Variants in ATP6V1E1 observed in about 807,000 individuals in gnomAD.
The protein encoded by ATP6V1E1 is V-type proton ATPase subunit E 1.
A neutral mutation model predicts 35.2 loss-of-function variants in ATP6V1E1; 21 were observed. The ratio of observed to expected loss-of-function variants is 0.60; its 90% CI spans 0.42 to 0.86. ATP6V1E1 has a LOEUF of 0.86. Among genes scored for constraint, ATP6V1E1 ranks in the 40% least tolerant of loss-of-function variants. The pLI is 0.00. For synonymous variants in ATP6V1E1, 83 were observed against 87.8 expected (o/e 0.95, Z 0.30); for missense variants, 183 against 272.6 (o/e 0.67, Z 2.32).
intron 1 of ATP6V1E1, 116 bp from the exon 2 acceptor site, chr22:17,619,642 C>A: frequency 2.4e-6 from 2 of 848,818 alleles, no homozygotes; most frequent in Non-Finnish European, 3.6e-6. Context: ...TCCTACCACT[C>A]TGGGGGGCCA....
At chr22:17,597,299 C>G (rs761853653) in intron 7 of ATP6V1E1, among the ~76,000 whole-genome samples, 5 of 151,148 alleles carry the variant, frequency 3.3e-5, no homozygotes, top group Admixed American at 6.6e-5. Context: ...AGTAGTGTGG[C>G]TAGGTGGCCT....
intron 6 of ATP6V1E1, among the ~76,000 whole-genome samples, chr22:17,598,668 A>G (rs908609830): frequency 9.2e-5 from 14 of 152,198 alleles, no homozygotes; most frequent in African/African-American, 2.9e-4. Flanking sequence ...ATGAGCTTCA[A>G]CTGGCAGTTG....
At chr22:17,608,991 GC>G (rs1291809972) in intron 4 of ATP6V1E1, among the ~76,000 whole-genome samples, 4 of 151,964 alleles carry the variant, frequency 2.6e-5, no homozygotes, top group African/African-American at 9.7e-5. Flanking sequence ...GGAGGCTGAG[GC>G]AGGAGACTGG....
At chr22:17,593,982 C>T (rs1032705695) in intron 8 of ATP6V1E1, among the ~76,000 whole-genome samples, 1 of 152,218 alleles carries the variant, frequency 6.6e-6, no homozygotes, top group African/African-American at 2.4e-5. Flanking sequence ...GCGGGTGGAT[C>T]ACCTGAGGTC....
At chr22:17,605,971 T>C (rs968499913) in intron 4 of ATP6V1E1, among the ~76,000 whole-genome samples, 32 of 137,926 alleles carry the variant, frequency 2.3e-4, no homozygotes, top group Non-Finnish European at 3.5e-4. Context: ...TCTCCTACTT[T>C]TTATAAGAAA....
intron 1 of ATP6V1E1, among the ~76,000 whole-genome samples, chr22:17,620,338 G>C (rs934852106): frequency 8.6e-5 from 13 of 151,852 alleles, no homozygotes; most frequent in Admixed American, 4.6e-4. Context: ...TAGTAGAGAC[G>C]GGGTTTCACC....
At chr22:17,604,782 G>A (rs1328810229) in intron 4 of ATP6V1E1, among the ~76,000 whole-genome samples, 2 of 151,924 alleles carry the variant, frequency 1.3e-5, no homozygotes, top group African/African-American at 4.8e-5. Context: ...CTCCCAAAGT[G>A]TTGGGATTAC....
intron 1 of ATP6V1E1, among the ~76,000 whole-genome samples, chr22:17,620,329 A>G (rs1000443614): frequency 6.6e-6 from 1 of 151,698 alleles, no homozygotes; most frequent in African/African-American, 2.4e-5. Context: ...TTGTATTTTT[A>G]GTAGAGACGG....
In ATP6V1E1 at chr22:17,599,208, C is replaced by A. The variant is rs1420795132; in HGVS notation, c.435+819G>T. Among the ~76,000 whole-genome samples, 3 of 151,786 alleles carry A rather than the reference C, an allele frequency of 2.0e-5. No homozygotes were observed. The East Asian group carries it at 5.8e-4, about 29-fold the overall frequency. The stretch of plus-strand genomic sequence containing the variant: ...TTCTGAAGATGGATGGTGGTGATGG[C>A]TGCACAATATTGTAAATGTACTTAA... On this transcript the variant is annotated intron_variant, in intron 6 of 8. Transcript: ENST00000253413.
chr22:17,601,184 A>G lies in ATP6V1E1; in HGVS notation c.277-3T>C, dbSNP rs1426918857. On this transcript the variant is annotated splice_region_variant and splice_polypyrimidine_tract_variant and intron_variant, in intron 4 of 8. Coordinates refer to ENST00000253413, the MANE Select transcript of ATP6V1E1 (RefSeq NM_001696.4). ...TGTTTTGCTTCATTTAGTAGGTCCT[A>G]CAAAGATTAGAAAAGATAAAAGTTA... 6.2e-7 allele frequency: 1 copy of G among 1,612,048 alleles called. No individual in the cohort carries two copies. The highest frequency in any genetic ancestry group is 8.5e-7 in the Non-Finnish European group (1 of 1,178,678).
At chr22:17,626,590 G>A (rs2057907110) in intron 1 of ATP6V1E1, among the ~76,000 whole-genome samples, 2 of 149,834 alleles carry the variant, frequency 1.3e-5, no homozygotes, top group South Asian at 4.2e-4. Context: ...AGGCAGCAAT[G>A]GTGTGATCTC....
chr22:17,614,223 G>A (rs1402970047), intron 2 of ATP6V1E1, among the ~76,000 whole-genome samples: 1 of 151,984 alleles, frequency 6.6e-6, no homozygotes, highest in Non-Finnish European at 1.5e-5. Flanking sequence ...GGCGGCGCAT[G>A]CCTGTAATCC....
chr22:17,621,052 ACT>A (rs1186835847), intron 1 of ATP6V1E1, among the ~76,000 whole-genome samples: 3 of 151,018 alleles, frequency 2.0e-5, no homozygotes, highest in Non-Finnish European at 4.4e-5. Context: ...ACAGAGCGAG[ACT>A]CTGTCTCAAA....
At chr22:17,592,799 T>TA in intron 8 of ATP6V1E1, 63 bp from the exon 9 acceptor site, 165 of 796,938 alleles carry the variant, frequency 2.1e-4, no homozygotes, top group Non-Finnish European at 3.0e-4. Flanking sequence ...GCGCTGCACA[T>TA]CTTTTTTTTT....
chr22:17,599,964 A>C, intron 6 of ATP6V1E1, 63 bp downstream of exon 6: 2 of 1,065,678 alleles, frequency 1.9e-6, no homozygotes, highest in South Asian at 1.3e-5. Context: ...AAAGAAAGAG[A>C]GAGGGGAAGG....
Position 17,592,558 on chromosome 22 carries a change from C to T in ATP6V1E1, c.*116G>A. On this transcript the variant is annotated 3_prime_UTR_variant, in exon 9 of 9. Transcript: ENST00000253413. ...GACAGAGGGGCATCGCTGATAAATA[C>T]AGAGCAATACTGGGGCAGTGAAGAG... is the stretch of plus-strand genomic sequence containing the variant. 3 of 1,076,892 alleles carry T rather than the reference C, an allele frequency of 2.8e-6. No homozygotes were observed. The highest frequency in any genetic ancestry group is 2.8e-6 in the Non-Finnish European group (2 of 705,584). The allele number at this position is 1,076,892 out of a possible 1,614,324, so 66.7% of individuals were successfully genotyped here. A position where few individuals can be genotyped will look rare whatever the true frequency, so the allele number is the denominator to read the frequency against.
rs150344720 is a variant in ATP6V1E1, at chr22:17,592,800, C to CTT, written c.619-66_619-65dup. The CTT allele has an allele frequency of 6.0e-3, 4,285 of 716,022 alleles. 43 individuals carry two copies. The highest frequency in any genetic ancestry group is 0.036 in the African/African-American group (1,706 of 47,060). The allele number at this position is 716,022 out of a possible 1,614,324, so 44.4% of individuals were successfully genotyped here. Reference sequence around the variant, plus strand: ...GAAGAAGTTGTAGAGCGCTGCACATCTTTTTTTTTTTTTTTTTTTTGAGAC... The same window carrying CTT: ...GAAGAAGTTGTAGAGCGCTGCACATCTTTTTTTTTTTTTTTTTTTTTTGAGAC... On this transcript the variant is annotated intron_variant, in intron 8 of 8. Transcript: ENST00000253413.
At chr22:17,608,036 C>G (rs1406215237) in intron 4 of ATP6V1E1, among the ~76,000 whole-genome samples, 2 of 152,196 alleles carry the variant, frequency 1.3e-5, no homozygotes, top group Non-Finnish European at 2.9e-5. Flanking sequence ...ACTGCTCTCT[C>G]CATTCTGTAT....
At chr22:17,613,121 G>C in intron 3 of ATP6V1E1, 90 bp downstream of exon 3, 2 of 1,131,058 alleles carry the variant, frequency 1.8e-6, no homozygotes, top group Non-Finnish European at 2.6e-6. Context: ...GTCGAGTTAA[G>C]ACCTGAATTT....
Sources: allele counts gnomAD v4.1 joint callset (sites outside exome capture counted in the v4.1 genomes callset), GRCh38; gene constraint gnomAD v4.1.1; transcripts MANE v1.5; gene names NCBI Gene and HGNC (gene_info 2026-07-23, HGNC 2026-07-21).